The following MYPN variants were observed in gnomAD, a reference collection of about 807,000 sequenced individuals.
MYPN encodes the protein myopalladin.
A neutral mutation model predicts 129.4 loss-of-function variants in MYPN; 63 were observed. The observed-to-expected ratio is 0.49, with a 90% CI of 0.40 to 0.60. The LOEUF is 0.60. MYPN is among the 20% of genes least tolerant of loss of function. MYPN has a pLI of 0.00. For synonymous variants in MYPN, 629 were observed against 600.9 expected, an observed-to-expected ratio of 1.05 and a Z score of -0.68; for missense variants, 1,596 against 1,635.4, an observed-to-expected ratio of 0.98 and a Z score of 0.42.
chr10:68,105,751 C>T (rs78212560), upstream of MYPN, among the ~76,000 whole-genome samples: 434 of 152,176 alleles, frequency 2.9e-3, 2 homozygotes, highest in African/African-American at 9.9e-3. Flanking sequence ...TAATAAATGC[C>T]TTGACCATAG....
chr10:68,139,267 T>C (rs2042536370), intron 2 of MYPN, among the ~76,000 whole-genome samples: 1 of 152,208 alleles, frequency 6.6e-6, no homozygotes, highest in Non-Finnish European at 1.5e-5. Flanking sequence ...TCAGCAATCT[T>C]GTGTCTCCAA....
intron 11 of MYPN, among the ~76,000 whole-genome samples, chr10:68,174,969 C>A (rs1222362341): frequency 6.6e-6 from 1 of 151,950 alleles, no homozygotes; most frequent in Non-Finnish European, 1.5e-5. Flanking sequence ...ACCCCCGTCT[C>A]TAGGAGAAGC....
At chr10:68,159,967 T>A (rs1390001268) in intron 7 of MYPN, among the ~76,000 whole-genome samples, 1 of 152,188 alleles carries the variant, frequency 6.6e-6, no homozygotes, top group African/African-American at 2.4e-5. Flanking sequence ...CACACATCAT[T>A]TTTTGTGGTG....
chr10:68,189,011 T>C lies in MYPN; in HGVS notation c.2810T>C (p.Ile937Thr), dbSNP rs1352921722. 1 of 1,614,088 alleles carries C rather than the reference T, an allele frequency of 6.2e-7. No homozygotes were observed. Among genetic ancestry groups the C allele is most frequent in the Non-Finnish European group, 8.5e-7 (1 of 1,180,000 alleles). The change falls in exon 13 of 20, where the codon ATC becomes ACC. Residue 937 changes from isoleucine (I) to threonine (T), a missense_variant. By Grantham distance (89) the Ile-to-Thr change is moderately conservative. Coordinates refer to ENST00000358913, the MANE Select transcript of MYPN (RefSeq NM_032578.4). ...ESDDEIQHDE[I>T]PTGKCIAPIF... ...GATGATGAAATTCAACATGATGAGA[T>C]CCCCACGGGCAAGTGTATTGCTCCC...
At chr10:68,101,189 A>G (rs1206159059), upstream of MYPN, among the ~76,000 whole-genome samples, 1 of 152,182 alleles carries the variant, frequency 6.6e-6, no homozygotes, top group Non-Finnish European at 1.5e-5. Context: ...ATAAATACGT[A>G]AAAAAAGACC....
rs114839674 is a variant in MYPN at position 68,208,696 on chromosome 10, A to G, written c.3794-1590A>G. On this transcript the variant is annotated intron_variant, in intron 19 of 19. Transcript: ENST00000358913. ...TCCCTTTCGTTCCTGTCCTGCTTCC[A>G]TAGCACCAACAATAGGCAGTGCTGT... Among the ~76,000 whole-genome samples, 1,137 of 152,176 alleles carry G rather than the reference A, an allele frequency of 7.5e-3. 18 individuals carry two copies. The highest frequency in any genetic ancestry group is 0.026 in the African/African-American group (1,089 of 41,538).
chr10:68,093,498 G>A (rs977313638), intron 1 of MYPN, among the ~76,000 whole-genome samples: 1 of 151,540 alleles, frequency 6.6e-6, no homozygotes, highest in Non-Finnish European at 1.5e-5. Flanking sequence ...CAGCACTTTG[G>A]GAAGGCCAGG....
Position 68,122,120 on chromosome 10 carries a change from C to G in MYPN, c.682C>G (p.Leu228Val). 1.2e-6 allele frequency: 2 copies of G among 1,614,070 alleles called. No individual in the cohort carries two copies. Among genetic ancestry groups the G allele is most frequent in the Non-Finnish European group, 1.7e-6 (2 of 1,179,940 alleles). ...DTRDNEVNHA[L>V]EQQEAKRREA... The stretch of plus-strand genomic sequence containing the variant: ...CAGGGATAATGAAGTGAATCACGCC[C>G]TGGAACAGCAGGAAGCCAAGAGGCG... Residue 228 changes from leucine to valine, a missense_variant, in exon 2 of 20, where the codon CTG becomes GTG. By Grantham distance (32) the Leu-to-Val change is conservative. Coordinates refer to ENST00000358913, the MANE Select transcript of MYPN (RefSeq NM_032578.4).
At chr10:68,124,249 G>A (rs17456902) in intron 2 of MYPN, among the ~76,000 whole-genome samples, 16,907 of 152,160 alleles carry the variant, frequency 0.11, 1,000 homozygotes, top group South Asian at 0.18. Flanking sequence ...TTTTATAATG[G>A]AATAACATGT....
chr10:68,141,772 A>G (rs1181793523), intron 2 of MYPN, among the ~76,000 whole-genome samples: 1 of 152,144 alleles, frequency 6.6e-6, no homozygotes, highest in Non-Finnish European at 1.5e-5. Context: ...ACTTCCACAT[A>G]TCTATGGTGG....
intron 12 of MYPN, among the ~76,000 whole-genome samples, chr10:68,180,760 A>G (rs1187059887): frequency 6.6e-6 from 1 of 152,210 alleles, no homozygotes; most frequent in African/African-American, 2.4e-5. Flanking sequence ...CAGCAGTGCC[A>G]TATCCAATTA....
At chr10:68,156,597 A>C (rs1386142847) in intron 6 of MYPN, among the ~76,000 whole-genome samples, 1 of 152,168 alleles carries the variant, frequency 6.6e-6, no homozygotes, top group Non-Finnish European at 1.5e-5. Context: ...AATGCATAAC[A>C]TCCCTGAGGT....
In MYPN at chr10:68,158,580, A is replaced by G; in HGVS notation, c.1412A>G (p.Glu471Gly). 1 of 1,605,958 alleles carries G rather than the reference A, an allele frequency of 6.2e-7. No individual in the cohort carries two copies. Among genetic ancestry groups the G allele is most frequent in the Non-Finnish European group, 8.5e-7 (1 of 1,172,746 alleles). The change falls in exon 7 of 20, where the codon GAA (glutamate) becomes GGA (glycine). Residue 471 changes from glutamate to glycine, a missense_variant. Glu to Gly is a moderately conservative substitution (Grantham distance 98). Coordinates refer to ENST00000358913, the MANE Select transcript of MYPN (RefSeq NM_032578.4). ...APSPKVEWYR[E>G]GTLIEDSPDF... ...TCTCCTAAGGTTGAGTGGTATAGAG[A>G]AGGGACTTTAATAGAAGATTCTCCA...
rs980068610 is a variant in MYPN at position 68,195,365 on chromosome 10, G to A, written c.3076-85G>A. 3.7e-5 allele frequency: 45 copies of A among 1,229,636 alleles called. 1 individual carries two copies. Among genetic ancestry groups the A allele is most frequent in the South Asian group, 2.9e-4 (24 of 82,192 alleles). 76.2% of individuals were successfully genotyped at this position (1,229,636 alleles called of 1,614,324 possible). A position where few individuals can be genotyped will look rare whatever the true frequency, so the allele number is the denominator to read the frequency against. On this transcript the variant is annotated intron_variant, in intron 14 of 19. Transcript: ENST00000358913. ...AAACTCATAATAGCCAAAATTTCAC[G>A]GTGTTCTGGTCCAGAAATTTTTATG... is the stretch of plus-strand genomic sequence containing the variant.
chr10:68,088,774 A>G (rs113304292), intron 1 of MYPN, among the ~76,000 whole-genome samples: 3,439 of 152,268 alleles, frequency 0.023, 146 homozygotes, highest in African/African-American at 0.079. Flanking sequence ...TTAATACACC[A>G]TACAATTCAC....
upstream of MYPN, among the ~76,000 whole-genome samples, chr10:68,103,842 T>A (rs1041000018): frequency 6.6e-6 from 1 of 152,072 alleles, no homozygotes; most frequent in Non-Finnish European, 1.5e-5. Flanking sequence ...CCCAGCTACT[T>A]TGGAGGCTGA....
chr10:68,121,382 G>C (rs2042238585), intron 1 of MYPN, 56 bp from the exon 2 acceptor site: 3 of 1,505,698 alleles, frequency 2.0e-6, no homozygotes, highest in Admixed American at 1.9e-5. Flanking sequence ...AATAGACATA[G>C]ACTTGTTATT....
At position 68,204,720 on chromosome 10, in the gene MYPN, T is replaced by C. The variant is rs185800400; in HGVS notation, c.3660-2050T>C. On this transcript the variant is annotated intron_variant, in intron 18 of 19. Transcript: ENST00000358913. Reference sequence around the variant, plus strand: ...GCCACAGAGTGAGACTCTGAGACTCTGTCTCAAAAAAAAAAAAAAAAAAAA... The same window carrying C: ...GCCACAGAGTGAGACTCTGAGACTCCGTCTCAAAAAAAAAAAAAAAAAAAA... Among the ~76,000 whole-genome samples, 9 of 87,112 alleles carry C rather than the reference T, an allele frequency of 1.0e-4. No homozygotes were observed. The East Asian group carries it at 2.6e-3, about 25-fold the overall frequency. The allele number at this position is 87,112 out of a possible 152,430, so 57.1% of individuals were successfully genotyped here.
At chr10:68,146,547 T>G (rs1476492132) in intron 4 of MYPN, among the ~76,000 whole-genome samples, 1 of 152,238 alleles carries the variant, frequency 6.6e-6, no homozygotes, top group Non-Finnish European at 1.5e-5. Context: ...GCCTCCGTTG[T>G]GTATCATAGA....
Sources: gnomAD v4.1 joint callset for allele counts (sites outside exome capture counted in the v4.1 genomes callset) on GRCh38, gnomAD v4.1.1 for gene constraint, MANE v1.5 for transcripts, NCBI Gene and HGNC (gene_info 2026-07-23, HGNC 2026-07-21) for gene names.